KHDRBS2: variants seen among roughly 807,000 people sequenced by gnomAD.
KHDRBS2 encodes the protein KH RNA binding domain containing, signal transduction associated 2.
In KHDRBS2, 26 loss-of-function variants were observed where a neutral mutation model predicts 44.3. The observed-to-expected ratio is 0.59, with a 90% confidence interval of 0.43 to 0.81. The LOEUF is 0.81. KHDRBS2 is among the 40% of genes least tolerant of loss of function. KHDRBS2 has a pLI of 0.00. For synonymous variants in KHDRBS2, 194 were observed against 151.1 expected, an observed-to-expected ratio of 1.28 and a Z score of -2.08; for missense variants, 476 against 433.1, an observed-to-expected ratio of 1.10 and a Z score of -0.88.
chr6:62,138,816 T>C (rs1338105724), intron 2 of KHDRBS2, among the ~76,000 whole-genome samples: 1 of 152,238 alleles, frequency 6.6e-6, no homozygotes, highest in Admixed American at 6.5e-5. Context: ...GTTGCTATTA[T>C]AACAAAATAC....
At chr6:62,181,602 A>G (rs1039764015) in intron 1 of KHDRBS2, among the ~76,000 whole-genome samples, 3 of 152,010 alleles carry the variant, frequency 2.0e-5, no homozygotes, top group Non-Finnish European at 2.9e-5. Flanking sequence ...AAACTGGTGA[A>G]TCCACTAACT....
intron 2 of KHDRBS2, among the ~76,000 whole-genome samples, chr6:62,163,229 C>A (rs1202083014): frequency 6.6e-6 from 1 of 151,954 alleles, no homozygotes; most frequent in African/African-American, 2.4e-5. Flanking sequence ...GAAGACAATG[C>A]TCAATAATAG....
chr6:61,727,756 A>G (rs1453494945), intron 7 of KHDRBS2, among the ~76,000 whole-genome samples: 1 of 152,158 alleles, frequency 6.6e-6, no homozygotes, highest in Non-Finnish European at 1.5e-5. Context: ...CAAAATTGCT[A>G]TTATTAAAAA....
intron 1 of KHDRBS2, among the ~76,000 whole-genome samples, chr6:62,235,965 G>C (rs1304735792): frequency 1.3e-5 from 2 of 151,984 alleles, no homozygotes; most frequent in African/African-American, 4.8e-5. Context: ...TTCTGGAGGA[G>C]GAAAATTAGA....
the KHDRBS2 span, among the ~76,000 whole-genome samples, chr6:61,655,023 G>T: frequency 6.6e-6 from 1 of 151,806 alleles, no homozygotes; most frequent in Non-Finnish European, 1.5e-5. Context: ...TCTGGGAAAT[G>T]AAACCTCAGG....
intron 6 of KHDRBS2, among the ~76,000 whole-genome samples, chr6:61,788,255 G>C (rs907631734): frequency 6.6e-6 from 1 of 151,466 alleles, no homozygotes; most frequent in Non-Finnish European, 1.5e-5. Context: ...CATGACTAAT[G>C]AAAGAAATAT....
chr6:61,897,000 C>T lies in KHDRBS2; in HGVS notation c.612-2167G>A, dbSNP rs140897993. Among the ~76,000 whole-genome samples the T allele has an allele frequency of 4.3e-3, 650 of 152,262 alleles. 8 individuals carry two copies. Among genetic ancestry groups the T allele is most frequent in the African/African-American group, 0.015 (624 of 41,560 alleles). On this transcript the variant is annotated intron_variant, in intron 5 of 8. Coordinates refer to ENST00000281156, the MANE Select transcript of KHDRBS2 (RefSeq NM_152688.4). ...TCACTGGCTTGTATTCCTGGACCCACTTTGGAATCTGGATGTCCCCAGTTT... is the reference window on the plus strand; with the variant it reads ...TCACTGGCTTGTATTCCTGGACCCATTTTGGAATCTGGATGTCCCCAGTTT...
chr6:61,955,105 TAC>T (rs146537827), intron 4 of KHDRBS2, among the ~76,000 whole-genome samples: 2 of 140,730 alleles, frequency 1.4e-5, no homozygotes, highest in African/African-American at 5.1e-5. Context: ...TATGTATATA[TAC>T]ACATATGTGT....
intron 2 of KHDRBS2, among the ~76,000 whole-genome samples, chr6:62,139,406 A>C (rs1812281587): frequency 6.6e-6 from 1 of 151,958 alleles, no homozygotes; most frequent in Admixed American, 6.6e-5. Context: ...CAAAAAAATT[A>C]GCCGGGCGTG....
chr6:61,965,426 GT>G (rs1277101734), intron 4 of KHDRBS2, among the ~76,000 whole-genome samples: 1 of 152,030 alleles, frequency 6.6e-6, no homozygotes, highest in Non-Finnish European at 1.5e-5. Flanking sequence ...GTCAAGTTGG[GT>G]TTGGAGAAAC....
chr6:61,717,625 G>A (rs1771669779), intron 7 of KHDRBS2, among the ~76,000 whole-genome samples: 1 of 152,020 alleles, frequency 6.6e-6, no homozygotes, highest in Non-Finnish European at 1.5e-5. Flanking sequence ...AAATGAATAG[G>A]ACAAGCTTAA....
chr6:61,982,074 G>A (rs1272431539), intron 3 of KHDRBS2, among the ~76,000 whole-genome samples: 1 of 152,054 alleles, frequency 6.6e-6, no homozygotes, highest in Non-Finnish European at 1.5e-5. Context: ...TAAGCTTTTT[G>A]TCATTCATAG....
chr6:61,623,162 C>T, the KHDRBS2 span, among the ~76,000 whole-genome samples: 1 of 151,908 alleles, frequency 6.6e-6, no homozygotes, highest in Non-Finnish European at 1.5e-5. Flanking sequence ...AGGCAGTTGC[C>T]CTTATTAAAA....
At chr6:61,667,567 T>A in the KHDRBS2 span, among the ~76,000 whole-genome samples, 1 of 151,274 alleles carries the variant, frequency 6.6e-6, no homozygotes, top group Admixed American at 6.6e-5. Flanking sequence ...GGGCTCCAAT[T>A]TTTGCATCAG....
the KHDRBS2 span, among the ~76,000 whole-genome samples, chr6:61,613,397 T>C: frequency 1.1e-4 from 17 of 152,244 alleles, no homozygotes; most frequent in African/African-American, 1.9e-4. Context: ...TATCATAGAA[T>C]GCTTGAGGCC....
At chr6:61,818,748 T>C (rs1473811182) in intron 6 of KHDRBS2, among the ~76,000 whole-genome samples, 1 of 151,974 alleles carries the variant, frequency 6.6e-6, no homozygotes, top group African/African-American at 2.4e-5. Context: ...CAGAATCTGC[T>C]AAGTCCTGAA....
chr6:61,998,026 T>G (rs1398510007), intron 3 of KHDRBS2, among the ~76,000 whole-genome samples: 1 of 152,182 alleles, frequency 6.6e-6, no homozygotes, highest in African/African-American at 2.4e-5. Flanking sequence ...ATACAGCAAT[T>G]GTAATTAATT....
chr6:61,582,791 C>T, the KHDRBS2 span, among the ~76,000 whole-genome samples: 41 of 151,408 alleles, frequency 2.7e-4, no homozygotes, highest in African/African-American at 9.2e-4. Context: ...TTTCTTGGTC[C>T]TGTTTTTCTC....
At chr6:62,215,080 G>A (rs1228015650) in intron 1 of KHDRBS2, among the ~76,000 whole-genome samples, 1 of 151,748 alleles carries the variant, frequency 6.6e-6, no homozygotes, top group Non-Finnish European at 1.5e-5. Flanking sequence ...TGTCTAACAG[G>A]TAGCATACCT....
Sources: allele counts gnomAD v4.1 joint callset (sites outside exome capture counted in the v4.1 genomes callset), GRCh38; gene constraint gnomAD v4.1.1; transcripts MANE v1.5; gene names NCBI Gene and HGNC (gene_info 2026-07-23, HGNC 2026-07-21).